TRPM3: variants seen among roughly 807,000 people sequenced by gnomAD.
The protein encoded by TRPM3 is long transient receptor potential channel 3.
In TRPM3, 77 loss-of-function variants were observed where a neutral mutation model predicts 181.2. That is an observed-to-expected ratio of 0.42 (90% CI 0.35 to 0.51). The LOEUF (loss-of-function observed/expected upper bound fraction) is 0.51, where lower values mean the gene tolerates loss of function less well. TRPM3 is among the 20% of genes least tolerant of loss of function. The pLI is 0.01. For synonymous variants in TRPM3, 745 were observed against 796.4 expected (o/e 0.94, Z 1.09); for missense variants, 1,759 against 2,196.7 (o/e 0.80, Z 3.98).
intron 1 of TRPM3, among the ~76,000 whole-genome samples, chr9:71,310,540 T>C (rs529903033): frequency 5.9e-5 from 9 of 152,184 alleles, no homozygotes; most frequent in East Asian, 1.9e-4. Flanking sequence ...TCAATTCCCA[T>C]TGCTCTAATT....
chr9:71,172,744 G>A (rs528739566), intron 1 of TRPM3, among the ~76,000 whole-genome samples: 2 of 152,250 alleles, frequency 1.3e-5, no homozygotes, highest in South Asian at 2.1e-4. Flanking sequence ...CATGCTATGC[G>A]TTAGAAAAAT....
intron 25 of TRPM3, among the ~76,000 whole-genome samples, chr9:70,538,852 G>T (rs1198571006): frequency 6.6e-6 from 1 of 152,132 alleles, no homozygotes; most frequent in East Asian, 1.9e-4. Flanking sequence ...AGTCTGCCTG[G>T]CCATTTAAGA....
At chr9:71,418,527 G>C (rs1319309512) in intron 1 of TRPM3, among the ~76,000 whole-genome samples, 1 of 151,788 alleles carries the variant, frequency 6.6e-6, no homozygotes, top group Non-Finnish European at 1.5e-5. Context: ...GGATTGGTGG[G>C]TACCTCATTG....
chr9:70,843,213 C>T (rs1330529824), intron 4 of TRPM3, 86 bp from the exon 5 acceptor site: 1 of 1,381,828 alleles, frequency 7.2e-7, no homozygotes, highest in African/African-American at 1.5e-5. Context: ...AATGGTTTCT[C>T]CCGAGGTTAA....
chr9:71,420,569 G>A (rs2093711548), intron 1 of TRPM3, among the ~76,000 whole-genome samples: 1 of 140,914 alleles, frequency 7.1e-6, no homozygotes, highest in Non-Finnish European at 1.6e-5. Context: ...GAAAGAAAAA[G>A]AGAAGAGAAA....
rs1206236534 is a variant in TRPM3 at position 71,317,761 on chromosome 9, C to G, written c.183+128892G>C. ...TTTTCATTCTACTTACATTTTTAAA[C>G]TACTATTTTTCTCATTCCTTCATCT... On this transcript the variant is annotated intron_variant, in intron 1 of 24. Coordinates refer to the TRPM3 transcript ENST00000357533. 2.0e-5 allele frequency among the ~76,000 whole-genome samples: 3 copies of G among 152,190 alleles called. No homozygotes were observed. The East Asian group carries it at 5.8e-4, about 29-fold the overall frequency.
chr9:71,272,738 AT>A (rs2083899702), intron 1 of TRPM3, among the ~76,000 whole-genome samples: 1 of 97,578 alleles, frequency 1.0e-5, no homozygotes, highest in Non-Finnish European at 2.3e-5. Flanking sequence ...ATGATCATAT[AT>A]TTTTTAGTGT....
At chr9:70,609,441 T>TATC (rs1485994160) in intron 19 of TRPM3, among the ~76,000 whole-genome samples, 5 of 152,228 alleles carry the variant, frequency 3.3e-5, no homozygotes, top group African/African-American at 1.2e-4. Context: ...GATAATATCC[T>TATC]ATCTTTTCTC....
intron 1 of TRPM3, among the ~76,000 whole-genome samples, chr9:71,408,297 A>G (rs74210484): frequency 0.014 from 2,140 of 152,308 alleles, 48 homozygotes; most frequent in East Asian, 0.085. Context: ...GTTAATAACG[A>G]ACTTCTCTGA....
intron 1 of TRPM3, among the ~76,000 whole-genome samples, chr9:70,961,374 G>A (rs752793091): frequency 1.3e-5 from 2 of 152,096 alleles, no homozygotes; most frequent in African/African-American, 2.4e-5. Context: ...ATAAACTTGT[G>A]CCATCTTAAG....
chr9:71,195,730 G>T (rs1472970874), intron 1 of TRPM3, among the ~76,000 whole-genome samples: 3 of 152,096 alleles, frequency 2.0e-5, no homozygotes, highest in Non-Finnish European at 4.4e-5. Flanking sequence ...GTGGAAGACT[G>T]GGGTAAGAAA....
chr9:71,167,449 CCAAT>C (rs746497660), intron 1 of TRPM3, among the ~76,000 whole-genome samples: 43 of 152,304 alleles, frequency 2.8e-4, no homozygotes, highest in South Asian at 2.7e-3. Context: ...ATTCACACAA[CCAAT>C]CAAACAACAA....
intron 1 of TRPM3, among the ~76,000 whole-genome samples, chr9:71,191,371 T>G (rs898939009): frequency 6.6e-6 from 1 of 151,868 alleles, no homozygotes; most frequent in African/African-American, 2.4e-5. Flanking sequence ...AAATACCTTT[T>G]CAAGTTCACT....
intron 22 of TRPM3, among the ~76,000 whole-genome samples, chr9:70,576,488 T>A (rs796915142): frequency 7.1e-4 from 107 of 150,100 alleles, no homozygotes; most frequent in African/African-American, 2.6e-3. Flanking sequence ...CTTCTCCTCC[T>A]CCTCCTCCTC....
At chr9:70,602,837 G>T (rs2060313635) in intron 20 of TRPM3, among the ~76,000 whole-genome samples, 1 of 152,318 alleles carries the variant, frequency 6.6e-6, no homozygotes, top group Non-Finnish European at 1.5e-5. Flanking sequence ...CACCTTGGTG[G>T]TCCCTCCTGC....
At chr9:71,046,176 G>A (rs2059414848) in intron 1 of TRPM3, among the ~76,000 whole-genome samples, 1 of 151,978 alleles carries the variant, frequency 6.6e-6, no homozygotes, top group Admixed American at 6.6e-5. Context: ...TAGTAGAGAT[G>A]GGGTTTCACT....
intron 1 of TRPM3, among the ~76,000 whole-genome samples, chr9:71,330,825 A>C (rs2090057588): frequency 6.6e-6 from 1 of 151,520 alleles, no homozygotes; most frequent in Admixed American, 6.6e-5. Context: ...ACCTACTAAA[A>C]CTCCTAGAGT....
At chr9:70,967,595 A>G (rs2133885003) in intron 1 of TRPM3, among the ~76,000 whole-genome samples, 1 of 152,158 alleles carries the variant, frequency 6.6e-6, no homozygotes, top group South Asian at 2.1e-4. Flanking sequence ...TAGCATTCTC[A>G]AAGTGTGTCC....
rs548158920 is a variant in TRPM3, at chr9:70,683,933, G to A, written c.1273-2355C>T. Among the ~76,000 whole-genome samples, 627 of 152,276 alleles carry A rather than the reference G, an allele frequency of 4.1e-3. 5 individuals are homozygous for A. Among genetic ancestry groups the A allele is most frequent in the African/African-American group, 0.014 (600 of 41,552 alleles). ...TAAGTCAACTCTTTACGCCAGGGCT[G>A]GCTATGGTCTGAAAGATATTATCAT... On this transcript the variant is annotated intron_variant, in intron 8 of 25. Coordinates refer to ENST00000677713, the MANE Select transcript of TRPM3 (RefSeq NM_001366145.2).
Sources: allele counts gnomAD v4.1 joint callset (sites outside exome capture counted in the v4.1 genomes callset), GRCh38; gene constraint gnomAD v4.1.1; transcripts MANE v1.5; gene names NCBI Gene and HGNC (gene_info 2026-07-23, HGNC 2026-07-21).